The following CENPF variants were observed in gnomAD, a reference collection of about 807,000 sequenced individuals.
CENPF encodes centromere protein F, also known as AH antigen.
In CENPF, 214 loss-of-function variants were observed where a neutral mutation model predicts 307.3. The ratio of observed to expected loss-of-function variants is 0.70; its 90% CI spans 0.62 to 0.78. The LOEUF is 0.78. CENPF is among the 30% of genes least tolerant of loss of function. The probability of loss-of-function intolerance (pLI) is 0.00; values close to 1 mark genes in which losing one functional copy is unlikely to be tolerated. For missense variants in CENPF, 3,401 were observed against 3,483.9 expected, an observed-to-expected ratio of 0.98 and a Z score of 0.60; for synonymous variants, 1,259 against 1,270.6, an observed-to-expected ratio of 0.99 and a Z score of 0.19.
chr1:214,652,575 C>T (rs1044052482), intron 15 of CENPF, among the ~76,000 whole-genome samples: 1 of 151,280 alleles, frequency 6.6e-6, no homozygotes, highest in Non-Finnish European at 1.5e-5. Flanking sequence ...TCCCGAGTAG[C>T]TGGGATTATA....
intron 19 of CENPF, among the ~76,000 whole-genome samples, chr1:214,660,466 T>C (rs556217743): frequency 3.3e-5 from 5 of 152,220 alleles, no homozygotes; most frequent in Non-Finnish European, 5.9e-5. Flanking sequence ...ATACTGACTT[T>C]CCAATGAACA....
chr1:214,620,293 G>T (rs1334872210), intron 5 of CENPF, among the ~76,000 whole-genome samples: 1 of 152,192 alleles, frequency 6.6e-6, no homozygotes, highest in Non-Finnish European at 1.5e-5. Context: ...AAGCTATAGG[G>T]GGAGGTAACC....
chr1:214,647,454 A>C (rs1429610787), intron 13 of CENPF, 54 bp downstream of exon 13: 1 of 1,510,192 alleles, frequency 6.6e-7, no homozygotes, highest in Non-Finnish European at 8.9e-7. Flanking sequence ...GCAGGAAACC[A>C]TATTTTCTTC....
rs1286020900 is a variant in CENPF, at chr1:214,640,717, G to A, written c.2379G>A (p.Met793Ile). ...SLLAFDQQPA[M>I]HHSFANIIGE... ...TGGCTTTTGATCAGCAGCCTGCCAT[G>A]CATCATTCCTTTGCAAATATAATTG... The change falls in exon 12 of 20, where the codon ATG becomes ATA. Residue 793 changes from methionine (M) to isoleucine (I), a missense_variant. Met to Ile is a conservative substitution (Grantham distance 10, BLOSUM62 1). Transcript: ENST00000366955. The A allele has an allele frequency of 1.2e-6, 2 of 1,613,948 alleles. No individual in the cohort carries two copies. Among genetic ancestry groups the A allele is most frequent in the Non-Finnish European group, 1.7e-6 (2 of 1,180,002 alleles).
In CENPF at chr1:214,646,404, C is replaced by G; in HGVS notation, c.6834C>G (p.Asp2278Glu). 2.5e-6 allele frequency: 4 copies of G among 1,613,922 alleles called. No homozygotes were observed. The highest frequency in any genetic ancestry group is 3.4e-6 in the Non-Finnish European group (4 of 1,179,968). Reference sequence around the variant, plus strand: ...AGGCAGTAGCAGCCTTGTGTGGTGACCAAGAAATTATGAAGGCCACAGAAC... The same window carrying G: ...AGGCAGTAGCAGCCTTGTGTGGTGAGCAAGAAATTATGAAGGCCACAGAAC... Reference protein sequence around the residue: ...LNEAVAALCGDQEIMKATEQS... With the variant: ...LNEAVAALCGEQEIMKATEQS... Residue 2278 changes from aspartate to glutamate, a missense_variant, in exon 13 of 20, where the codon GAC (aspartate) becomes GAG (glutamate). By Grantham distance (45) the Asp-to-Glu change is conservative (BLOSUM62 2). Coordinates refer to ENST00000366955, the MANE Select transcript of CENPF (RefSeq NM_016343.4).
chr1:214,648,086 C>A, intron 13 of CENPF: 1 of 388,064 alleles, frequency 2.6e-6, no homozygotes, highest in South Asian at 1.9e-5. Flanking sequence ...TTAATTCTTG[C>A]TGAACAAATA....
intron 7 of CENPF, among the ~76,000 whole-genome samples, chr1:214,628,232 G>T (rs1286205604): frequency 6.6e-6 from 1 of 152,180 alleles, no homozygotes; most frequent in Non-Finnish European, 1.5e-5. Context: ...TAAATAAAAT[G>T]TAAGTACCTT....
chr1:214,646,454 A>G lies in CENPF; in HGVS notation c.6884A>G (p.Glu2295Gly). The change falls in exon 13 of 20, where the codon GAA becomes GGA. Residue 2295 changes from glutamate to glycine, a missense_variant. Transcript: ENST00000366955. ...TEQSLDPPIE[E>G]EHQLRNSIEK... ...CAGAGTCTAGACCCACCAATAGAGG[A>G]AGAGCATCAGCTGAGAAATAGCATT... is the stretch of plus-strand genomic sequence containing the variant. The G allele has an allele frequency of 6.2e-7, 1 of 1,614,136 alleles. No individual in the cohort carries two copies. Among genetic ancestry groups the G allele is most frequent in the South Asian group, 1.1e-5 (1 of 91,082 alleles).
intron 10 of CENPF, among the ~76,000 whole-genome samples, chr1:214,635,826 G>A (rs1021197934): frequency 4.6e-5 from 7 of 152,054 alleles, no homozygotes; most frequent in Admixed American, 1.3e-4. Context: ...GACATGGATC[G>A]AGACCAACAA....
At position 214,641,133 on chromosome 1, in the gene CENPF, A is replaced by C; in HGVS notation, c.2795A>C (p.Lys932Thr). Reference protein sequence around the residue: ...TEQAEIQELKKSNHLLEDSLK... With the variant: ...TEQAEIQELKTSNHLLEDSLK... The stretch of plus-strand genomic sequence containing the variant: ...CAGGCAGAGATTCAAGAATTAAAAA[A>C]GAGCAACCATCTACTTGAAGACTCT... Residue 932 changes from lysine to threonine, a missense_variant, in exon 12 of 20, where the codon AAG becomes ACG. By Grantham distance (78) the Lys-to-Thr change is moderately conservative. Coordinates refer to ENST00000366955, the MANE Select transcript of CENPF (RefSeq NM_016343.4). 6.3e-7 allele frequency: 1 copy of C among 1,581,786 alleles called. No homozygotes were observed. Among genetic ancestry groups the C allele is most frequent in the African/African-American group, 1.4e-5 (1 of 72,744 alleles).
At chr1:214,635,584 G>C (rs1206217378) in intron 10 of CENPF, among the ~76,000 whole-genome samples, 1 of 152,186 alleles carries the variant, frequency 6.6e-6, no homozygotes, top group Non-Finnish European at 1.5e-5. Context: ...ACTAATTGCT[G>C]ATGGATGGCA....
chr1:214,629,807 C>T (rs930422475), intron 8 of CENPF, among the ~76,000 whole-genome samples: 20 of 152,188 alleles, frequency 1.3e-4, no homozygotes, highest in African/African-American at 4.6e-4. Flanking sequence ...CCACCTTGGC[C>T]TCCCAAAGTG....
chr1:214,641,692 A>C lies in CENPF; in HGVS notation c.3354A>C (p.Gln1118His), dbSNP rs1658121191. The C allele has an allele frequency of 6.3e-7, 1 of 1,580,510 alleles. No individual in the cohort carries two copies. Among genetic ancestry groups the C allele is most frequent in the Non-Finnish European group, 8.6e-7 (1 of 1,166,414 alleles). ...TGAGATCTGAGATGACAGATAACCAAAACAATTCTAAGAGCGAGGCTGGTG... is the reference window on the plus strand; with the variant it reads ...TGAGATCTGAGATGACAGATAACCACAACAATTCTAAGAGCGAGGCTGGTG... The part of the protein sequence containing the change: ...QALRSEMTDN[Q>H]NNSKSEAGGL... Residue 1118 changes from glutamine (Q) to histidine (H), a missense_variant, in exon 12 of 20, where the codon CAA becomes CAC. Coordinates refer to ENST00000366955, the MANE Select transcript of CENPF (RefSeq NM_016343.4).
intron 1 of CENPF, among the ~76,000 whole-genome samples, chr1:214,607,820 T>C (rs935841271): frequency 1.8e-4 from 28 of 152,284 alleles, no homozygotes; most frequent in Admixed American, 2.6e-4. Flanking sequence ...CTTGGATGTG[T>C]GCTGGGGGTC....
intron 10 of CENPF, among the ~76,000 whole-genome samples, chr1:214,637,209 C>A (rs1402274742): frequency 6.6e-6 from 1 of 152,236 alleles, no homozygotes; most frequent in Non-Finnish European, 1.5e-5. Context: ...CACTCAATGT[C>A]TCTTTAGTAT....
intron 12 of CENPF, 27 bp from the exon 13 acceptor site, chr1:214,644,530 C>A: frequency 1.3e-6 from 2 of 1,519,156 alleles, no homozygotes; most frequent in Non-Finnish European, 1.8e-6. Flanking sequence ...AAATAAAATG[C>A]ATGCTTGTTA....
chr1:214,630,517 T>C lies in CENPF; in HGVS notation c.1195-17T>C. 1.9e-6 allele frequency: 3 copies of C among 1,613,914 alleles called. No homozygotes were observed. The highest frequency in any genetic ancestry group is 2.5e-6 in the Non-Finnish European group (3 of 1,179,918). On this transcript the variant is annotated splice_polypyrimidine_tract_variant and intron_variant, in intron 8 of 19. Transcript: ENST00000366955. Reference sequence around the variant, plus strand: ...CGAACCATCATCAGGCTGATGCACCTGCCCTTTGTTTTTCAGGAGCTCTCC... The same window carrying C: ...CGAACCATCATCAGGCTGATGCACCCGCCCTTTGTTTTTCAGGAGCTCTCC...
chr1:214,638,768 C>T (rs1571712891), intron 11 of CENPF, among the ~76,000 whole-genome samples: 2 of 152,308 alleles, frequency 1.3e-5, no homozygotes, highest in Admixed American at 6.5e-5. Flanking sequence ...TGCGCCACTG[C>T]ACTCCAGCCA....
intron 15 of CENPF, among the ~76,000 whole-genome samples, 157 bp downstream of exon 15, chr1:214,652,043 G>C (rs1023267451): frequency 6.7e-6 from 1 of 150,118 alleles, no homozygotes. Flanking sequence ...CTTTTCCCCA[G>C]GTCCCTCTCT....
Sources: allele counts gnomAD v4.1 joint callset (sites outside exome capture counted in the v4.1 genomes callset), GRCh38; gene constraint gnomAD v4.1.1; transcripts MANE v1.5; gene names NCBI Gene and HGNC (gene_info 2026-07-23, HGNC 2026-07-21).